The following GBP5 variants were observed in gnomAD, a reference collection of about 807,000 sequenced individuals.
GBP5 encodes guanylate-binding protein 5.
In GBP5, 48 loss-of-function variants were observed where a neutral mutation model predicts 58.2. The observed-to-expected ratio is 0.83, with a 90% CI of 0.65 to 1.05. GBP5 has a LOEUF of 1.05. Ranked by LOEUF, GBP5 falls within the 50% of genes least tolerant of loss-of-function variation. GBP5 has a pLI of 0.00. For missense variants in GBP5, 714 were observed against 686.8 expected (o/e 1.04, Z -0.44); for synonymous variants, 248 against 251.8 (o/e 0.98, Z 0.14).
rs1008940041 is a variant in GBP5, at chr1:89,266,867, A to G, written c.625+90T>C. The G allele has an allele frequency of 2.1e-5, 18 of 858,304 alleles. No homozygotes were observed. In the African/African-American group the frequency reaches 2.9e-4, roughly 14 times the overall value. 53.2% of individuals were successfully genotyped at this position (858,304 alleles called of 1,614,324 possible). A position where few individuals can be genotyped will look rare whatever the true frequency, so the allele number is the denominator to read the frequency against. On this transcript the variant is annotated intron_variant, in intron 6 of 11. Transcript: ENST00000370459. ...GAGCTGGGTGAATATATATATATAT[A>G]GAAAACCATAAATTTAACCACCTAA...
rs1650331957 is a variant in GBP5, at chr1:89,268,874, A to T, written c.191-18T>A. 1 of 1,608,490 alleles carries T rather than the reference A, an allele frequency of 6.2e-7. No homozygotes were observed. Among genetic ancestry groups the T allele is most frequent in the Non-Finnish European group, 8.5e-7 (1 of 1,177,820 alleles). Reference sequence around the variant, plus strand: ...AGAGAAGCCTGTCAGGGGGAGTGAGAGGTTGTAATAGAAGAGAAACTCTGG... The same window carrying T: ...AGAGAAGCCTGTCAGGGGGAGTGAGTGGTTGTAATAGAAGAGAAACTCTGG... On this transcript the variant is annotated intron_variant, in intron 3 of 11. Transcript: ENST00000370459.
chr1:89,269,225 A>T, intron 3 of GBP5, 141 bp downstream of exon 3: 1 of 816,448 alleles, frequency 1.2e-6, no homozygotes, highest in South Asian at 2.0e-5. Context: ...ATCTTCCAAA[A>T]GATAAAAAGA....
intron 10 of GBP5, 43 bp from the exon 11 acceptor site, chr1:89,262,444 T>A (rs767933313): frequency 6.5e-7 from 1 of 1,531,904 alleles, no homozygotes; most frequent in South Asian, 1.1e-5. Context: ...AATGTGCCTC[T>A]TCCTTCTGCC....
chr1:89,272,440 C>A lies in GBP5; in HGVS notation c.-128+12G>T. On this transcript the variant is annotated intron_variant, in intron 1 of 11. Coordinates refer to ENST00000370459, the MANE Select transcript of GBP5 (RefSeq NM_052942.5). The stretch of plus-strand genomic sequence containing the variant: ...TCTTGCAAATCTCTTCCACCTCTTG[C>A]CCCAGTCTTACCGTGTCCGGAATTG... 1 of 166,112 alleles carries A rather than the reference C, an allele frequency of 6.0e-6. No homozygotes were observed. Among genetic ancestry groups the A allele is most frequent in the Non-Finnish European group, 1.3e-5 (1 of 79,310 alleles). 10.3% of individuals were successfully genotyped at this position (166,112 alleles called of 1,614,324 possible). A position where few individuals can be genotyped will look rare whatever the true frequency, so the allele number is the denominator to read the frequency against.
At position 89,260,629 on chromosome 1, in the gene GBP5, C is replaced by T; in HGVS notation, c.*75G>A. ...AAGTTTATTTAAATGTTGATTGTCC[C>T]AAGGTCTACAGTTTCTTTTCTGTTG... On this transcript the variant is annotated 3_prime_UTR_variant, in exon 12 of 12. Coordinates refer to ENST00000370459, the MANE Select transcript of GBP5 (RefSeq NM_052942.5). The T allele has an allele frequency of 1.2e-6, 1 of 847,392 alleles. No homozygotes were observed. The highest frequency in any genetic ancestry group is 2.0e-6 in the Non-Finnish European group (1 of 508,420). The allele number at this position is 847,392 out of a possible 1,614,324, so 52.5% of individuals were successfully genotyped here.
At chr1:89,268,442 A>G (rs980967187) in intron 4 of GBP5, among the ~76,000 whole-genome samples, 2 of 152,184 alleles carry the variant, frequency 1.3e-5, no homozygotes, top group Admixed American at 1.3e-4. Context: ...TAACTAGTAT[A>G]ATCTACAGGA....
In GBP5 at chr1:89,267,095, C is replaced by A. The variant is rs1650251174; in HGVS notation, c.487G>T (p.Val163Phe). 3.7e-6 allele frequency: 6 copies of A among 1,612,068 alleles called. No homozygotes were observed. The highest frequency in any genetic ancestry group is 5.1e-6 in the Non-Finnish European group (6 of 1,179,570). The change falls in exon 6 of 12, where the codon GTT becomes TTT. Residue 163 changes from valine to phenylalanine, a missense_variant. Transcript: ENST00000370459. ...CTCGCAGAGTCAGCAGGATCTTCAACCCTGTCAAGGTCGGGTGAGTTTCTT... is the reference window on the plus strand; with the variant it reads ...CTCGCAGAGTCAGCAGGATCTTCAAACCTGTCAAGGTCGGGTGAGTTTCTT... ...KARNSPDLDRVEDPADSASFF... is the reference protein window; with the variant it reads ...KARNSPDLDRFEDPADSASFF...
At position 89,269,467 on chromosome 1, in the gene GBP5, A is replaced by C. The variant is rs774780418; in HGVS notation, c.89T>G (p.Ile30Ser). 9 of 1,613,964 alleles carry C rather than the reference A, an allele frequency of 5.6e-6. No homozygotes were observed. Among genetic ancestry groups the C allele is most frequent in the African/African-American group, 1.3e-5 (1 of 74,914 alleles). The change falls in exon 3 of 12, where the codon ATC (isoleucine) becomes AGC (serine). Residue 30 changes from isoleucine to serine, a missense_variant. Ile to Ser is a moderately radical substitution (Grantham distance 142, BLOSUM62 -2). Transcript: ENST00000370459. The part of the protein sequence containing the change: ...QLKVNQEALE[I>S]LSAITQPVVV... ...TACAGGTTGCGTAATGGCAGACAGGATCTCCAAAGCTTCCTGATTAACCTT... is the reference window on the plus strand; with the variant it reads ...TACAGGTTGCGTAATGGCAGACAGGCTCTCCAAAGCTTCCTGATTAACCTT...
In GBP5 at chr1:89,256,374, A is replaced by G. The variant is rs972766404; in HGVS notation, c.*4330T>C. ...AGTTGTGATATTAGTTGGCTCTAGC[A>G]GGGTTGTCAGAAGTTGTCATATACA... On this transcript the variant is annotated 3_prime_UTR_variant, in exon 12 of 12. Transcript: ENST00000370459. Among the ~76,000 whole-genome samples, 9 of 152,256 alleles carry G rather than the reference A, an allele frequency of 5.9e-5. No individual in the cohort carries two copies. Among genetic ancestry groups the G allele is most frequent in the African/African-American group, 1.9e-4 (8 of 41,472 alleles).
At chr1:89,268,877 T>C (rs1352770899) in intron 3 of GBP5, 21 bp from the exon 4 acceptor site, 2 of 1,607,798 alleles carry the variant, frequency 1.2e-6, no homozygotes, top group Admixed American at 1.7e-5. Flanking sequence ...GAGTGAGAGG[T>C]TGTAATAGAA....
At chr1:89,263,264 T>A (rs917018066) in intron 9 of GBP5, 2 of 162,618 alleles carry the variant, frequency 1.2e-5, no homozygotes, top group Admixed American at 1.2e-4. Flanking sequence ...AAGCCAATAG[T>A]CAGGAAAATG....
rs772653005 is a variant in GBP5, at chr1:89,267,002, C to T, written c.580G>A (p.Val194Ile). ...CLGLEIDGQL[V>I]TPDEYLENSL... ...TTCTCCAGGTATTCATCTGGTGTGA[C>T]AAGTTGCCCATCTATTTCCAGGCCT... The change falls in exon 6 of 12, where the codon GTC becomes ATC. Residue 194 changes from valine (V) to isoleucine (I), a missense_variant. Transcript: ENST00000370459. 6.2e-7 allele frequency: 1 copy of T among 1,612,144 alleles called. No homozygotes were observed. Among genetic ancestry groups the T allele is most frequent in the Non-Finnish European group, 8.5e-7 (1 of 1,179,662 alleles).
Position 89,262,350 on chromosome 1 carries a change from G to A in GBP5, c.1517C>T (p.Ala506Val), listed in dbSNP as rs376623929. 9.3e-6 allele frequency: 15 copies of A among 1,613,754 alleles called. No individual in the cohort carries two copies. Among genetic ancestry groups the A allele is most frequent in the Middle Eastern group, 1.6e-4 (1 of 6,084 alleles). Reference sequence around the variant, plus strand: ...CATTTGCTCGTTCTGCCTTTGAATCGCCGCCAACCTTTGCGCTTCAGCCTT... The same window carrying A: ...CATTTGCTCGTTCTGCCTTTGAATCACCGCCAACCTTTGCGCTTCAGCCTT... The part of the protein sequence containing the change: ...AEKAEAQRLA[A>V]IQRQNEQMMQ... Residue 506 changes from alanine to valine, a missense_variant, in exon 11 of 12, where the codon GCG (alanine) becomes GTG (valine). Transcript: ENST00000370459.
chr1:89,266,284 T>G, intron 7 of GBP5, 62 bp downstream of exon 7: 1 of 1,391,950 alleles, frequency 7.2e-7, no homozygotes, highest in Admixed American at 1.9e-5. Context: ...AGGATAATCT[T>G]ATAAAAAGTG....
rs1048599761 is a variant in GBP5, at chr1:89,264,404, A to G, written c.1149+282T>C. ...TATGCTTAATAAAAAAGAAAATTTA[A>G]TACTTTGTAAATGCAACTGGCCAAA... is the stretch of plus-strand genomic sequence containing the variant. On this transcript the variant is annotated intron_variant, in intron 8 of 11. Coordinates refer to ENST00000370459, the MANE Select transcript of GBP5 (RefSeq NM_052942.5). 2.6e-5 allele frequency among the ~76,000 whole-genome samples: 4 copies of G among 152,234 alleles called. No individual in the cohort carries two copies. In the South Asian group the frequency reaches 6.2e-4, roughly 24 times the overall value.
chr1:89,269,671 C>A (rs976589276), intron 2 of GBP5, 97 bp from the exon 3 acceptor site: 1 of 698,674 alleles, frequency 1.4e-6, no homozygotes, highest in Non-Finnish European at 2.4e-6. Flanking sequence ...CATACTACTC[C>A]CCAGCACTGC....
In GBP5 at chr1:89,258,264, A is replaced by G. The variant is rs993729338; in HGVS notation, c.*2440T>C. On this transcript the variant is annotated 3_prime_UTR_variant, in exon 12 of 12. Transcript: ENST00000370459. ...AATCAACTACTTTGTAACATGGTCT[A>G]GGTTAACAGTAACAAGGTGTGAAAC... Among the ~76,000 whole-genome samples, 1 of 152,226 alleles carries G rather than the reference A, an allele frequency of 6.6e-6. No individual in the cohort carries two copies. Among genetic ancestry groups the G allele is most frequent in the African/African-American group, 2.4e-5 (1 of 41,458 alleles).
At chr1:89,268,616 T>TG in intron 4 of GBP5, 113 bp downstream of exon 4, 1 of 992,898 alleles carries the variant, frequency 1.0e-6, no homozygotes, top group Non-Finnish European at 1.6e-6. Context: ...AGGAAAACAA[T>TG]GGGGGTATAC....
chr1:89,266,548 C>G lies in GBP5; in HGVS notation c.666G>C (p.Leu222=). The G allele has an allele frequency of 1.2e-6, 2 of 1,613,194 alleles. No homozygotes were observed. Among genetic ancestry groups the G allele is most frequent in the East Asian group, 2.2e-5 (1 of 44,864 alleles). The change falls in exon 7 of 12, where the codon CTG becomes CTC. Residue 222 remains leucine, a synonymous_variant. Transcript: ENST00000370459. The part of the protein sequence containing the change: ...QRVQNFNLPR[L]CIQKFFPKKK... ...TTTTTGGAAAGAACTTCTGTATACA[C>G]AGACGGGGCAAATTGAAATTTTGAA...
Sources: gnomAD v4.1 joint callset for allele counts (sites outside exome capture counted in the v4.1 genomes callset) on GRCh38, gnomAD v4.1.1 for gene constraint, MANE v1.5 for transcripts, NCBI Gene and HGNC (gene_info 2026-07-23, HGNC 2026-07-21) for gene names.